PRDM6: variants seen among roughly 807,000 people sequenced by gnomAD.
The protein encoded by PRDM6 is putative histone-lysine N-methyltransferase PRDM6.
In PRDM6, 25 loss-of-function variants were observed where a neutral mutation model predicts 60.8. The ratio of observed to expected loss-of-function variants is 0.41; its 90% CI spans 0.30 to 0.57. PRDM6 has a LOEUF of 0.57. Among genes scored for constraint, PRDM6 ranks in the 20% least tolerant of loss-of-function variants. The pLI, the probability that PRDM6 is intolerant of heterozygous loss-of-function variation, is 0.27. For synonymous variants in PRDM6, 407 were observed against 357.4 expected, an observed-to-expected ratio of 1.14 and a Z score of -1.57; for missense variants, 839 against 821.3, an observed-to-expected ratio of 1.02 and a Z score of -0.26.
intron 3 of PRDM6, among the ~76,000 whole-genome samples, chr5:123,144,862 G>C (rs552059310): frequency 6.6e-6 from 1 of 152,048 alleles, no homozygotes; most frequent in Admixed American, 6.6e-5. Flanking sequence ...GACATGGCCC[G>C]GCCCTTAATG....
chr5:123,100,108 C>G (rs112825097), intron 3 of PRDM6, 147 bp downstream of exon 3: 25 of 891,840 alleles, frequency 2.8e-5, no homozygotes, highest in Non-Finnish European at 8.3e-6. Context: ...GAATAGATTT[C>G]TCTGGTCCTG....
chr5:123,109,863 G>A (rs1764268804), intron 3 of PRDM6, among the ~76,000 whole-genome samples: 1 of 152,218 alleles, frequency 6.6e-6, no homozygotes, highest in Non-Finnish European at 1.5e-5. Context: ...GCCCTAACAT[G>A]TGAAGCCTTT....
intron 3 of PRDM6, among the ~76,000 whole-genome samples, chr5:123,137,239 C>T (rs923949850): frequency 1.3e-5 from 2 of 152,148 alleles, no homozygotes; most frequent in Non-Finnish European, 2.9e-5. Flanking sequence ...GTTGAGAATT[C>T]CAAGACCTGA....
chr5:123,181,057 G>A (rs756739648), intron 7 of PRDM6, among the ~76,000 whole-genome samples: 4 of 152,184 alleles, frequency 2.6e-5, no homozygotes, highest in South Asian at 2.1e-4. Context: ...ATCTGAATCC[G>A]TGCAAGATGG....
At chr5:123,152,803 C>G (rs953570108) in intron 3 of PRDM6, among the ~76,000 whole-genome samples, 1 of 152,144 alleles carries the variant, frequency 6.6e-6, no homozygotes, top group Non-Finnish European at 1.5e-5. Context: ...AGTGGCACTT[C>G]CTAATATCCA....
chr5:123,142,323 A>C (rs949799525), intron 3 of PRDM6, among the ~76,000 whole-genome samples: 2 of 151,996 alleles, frequency 1.3e-5, no homozygotes, highest in Non-Finnish European at 1.5e-5. Context: ...GAGCACATGG[A>C]GATTCAAGTT....
chr5:123,140,202 G>A (rs1196998013), intron 3 of PRDM6, among the ~76,000 whole-genome samples: 4 of 151,512 alleles, frequency 2.6e-5, no homozygotes, highest in South Asian at 2.1e-4. Context: ...AATTATCTGC[G>A]CTTGGCCAAA....
intron 3 of PRDM6, among the ~76,000 whole-genome samples, chr5:123,108,100 G>A (rs1423550427): frequency 1.3e-5 from 2 of 152,002 alleles, no homozygotes; most frequent in Non-Finnish European, 1.5e-5. Flanking sequence ...CATTTATTTA[G>A]TAAACCAAAA....
At chr5:123,179,425 A>G (rs1222529410) in intron 6 of PRDM6, among the ~76,000 whole-genome samples, 1 of 152,230 alleles carries the variant, frequency 6.6e-6, no homozygotes, top group East Asian at 1.9e-4. Context: ...AGGAGGGAAT[A>G]GTAGGTAGAA....
intron 3 of PRDM6, among the ~76,000 whole-genome samples, chr5:123,104,965 C>T (rs1764172596): frequency 7.7e-6 from 1 of 129,136 alleles, no homozygotes; most frequent in African/African-American, 3.1e-5. Context: ...TTTTCTAAGT[C>T]CGAGAATAAT....
At chr5:123,157,639 C>A (rs1414709911) in intron 4 of PRDM6, among the ~76,000 whole-genome samples, 1 of 152,204 alleles carries the variant, frequency 6.6e-6, no homozygotes, top group African/African-American at 2.4e-5. Context: ...AACTGGCATT[C>A]ATCACCAGTG....
chr5:123,177,220 A>G (rs1479310482), intron 6 of PRDM6, among the ~76,000 whole-genome samples: 1 of 152,066 alleles, frequency 6.6e-6, no homozygotes, highest in Non-Finnish European at 1.5e-5. Flanking sequence ...CTTTTTGATC[A>G]TTTTCTTTTA....
rs1765487906 is a variant in PRDM6 at position 123,155,965 on chromosome 5, T to A, written c.982T>A (p.Cys328Ser). 1 of 1,551,520 alleles carries A rather than the reference T, an allele frequency of 6.4e-7. No individual in the cohort carries two copies. Among genetic ancestry groups the A allele is most frequent in the Admixed American group, 2.0e-5 (1 of 50,994 alleles). The part of the protein sequence containing the change: ...SKSSWMRYIR[C>S]ARHCGEQNLT... ...GTCGAGCTGGATGAGGTATATCCGA[T>A]GTGCAAGGCACTGCGGAGAACAGAA... Residue 328 changes from cysteine (C) to serine (S), a missense_variant, in exon 4 of 8, where the codon TGT (cysteine) becomes AGT (serine). By Grantham distance (112) the Cys-to-Ser change is moderately radical (BLOSUM62 -1). Around this residue, in one of 2 missense-constraint regions of PRDM6, gnomAD observed 730 missense variants for 648.8 expected, o/e 1.13. Transcript: ENST00000407847.
At chr5:123,093,900 G>A (rs1177100982) in intron 2 of PRDM6, among the ~76,000 whole-genome samples, 1 of 151,914 alleles carries the variant, frequency 6.6e-6, no homozygotes, top group East Asian at 1.9e-4. Flanking sequence ...CTGGGAGGGA[G>A]GCGGGAACTG....
chr5:123,193,651 CTT>C lies in PRDM6; in HGVS notation c.*6452_*6453del, dbSNP rs1334552217. 1.3e-5 allele frequency: 2 copies of C among 152,162 alleles called. No homozygotes were observed. The highest frequency in any genetic ancestry group is 4.8e-5 in the African/African-American group (2 of 41,440). The allele number at this position is 152,162 out of a possible 1,614,324, so 9.4% of individuals were successfully genotyped here. On this transcript the variant is annotated 3_prime_UTR_variant, in exon 8 of 8. Coordinates refer to ENST00000407847, the MANE Select transcript of PRDM6 (RefSeq NM_001136239.4). ...GTGATGACTAACGAATTAAGGAAAACTTTGGCTCAGATCAGCAAAATTATTTT... is the reference window on the plus strand; with the variant it reads ...GTGATGACTAACGAATTAAGGAAAACTGGCTCAGATCAGCAAAATTATTTT...
chr5:123,112,307 C>A (rs1374073913), intron 3 of PRDM6, among the ~76,000 whole-genome samples: 2 of 152,190 alleles, frequency 1.3e-5, no homozygotes, highest in African/African-American at 4.8e-5. Flanking sequence ...ACTGGCCTTT[C>A]CACTTCTCCT....
intron 2 of PRDM6, among the ~76,000 whole-genome samples, chr5:123,097,705 G>C (rs1293477226): frequency 6.6e-6 from 1 of 152,206 alleles, no homozygotes; most frequent in Non-Finnish European, 1.5e-5. Flanking sequence ...GGATAAGTGT[G>C]AGAATACTCC....
At position 123,090,276 on chromosome 5, in the gene PRDM6, A is replaced by ACCTCCGCCT. The variant is rs70988558; in HGVS notation, c.277_285dup (p.Ala93_Ser95dup). ...CTCGTCCACGCCGGCTTCCTCTTCC[A>ACCTCCGCCT]CCTCCGCCTCCTCCGCCTCCTCCTG... On this transcript the variant is annotated inframe_insertion, in exon 2 of 8. Transcript: ENST00000407847. 0.34 allele frequency: 500,422 copies of ACCTCCGCCT among 1,480,424 alleles called. 88,676 individuals are homozygous for ACCTCCGCCT. Among genetic ancestry groups the ACCTCCGCCT allele is most frequent in the Non-Finnish European group, 0.37 (409,871 of 1,115,906 alleles). 91.7% of individuals were successfully genotyped at this position (1,480,424 alleles called of 1,614,324 possible).
chr5:123,158,108 A>G (rs1025081259), intron 4 of PRDM6, among the ~76,000 whole-genome samples: 2 of 152,216 alleles, frequency 1.3e-5, no homozygotes, highest in African/African-American at 4.8e-5. Context: ...TCAGAAGACC[A>G]CCCATTGCTC....
Sources: gnomAD v4.1 joint callset for allele counts (sites outside exome capture counted in the v4.1 genomes callset) on GRCh38, gnomAD v4.1.1 for gene constraint, gnomAD v4.1.1 regional missense constraint, MANE v1.5 for transcripts, NCBI Gene and HGNC (gene_info 2026-07-23, HGNC 2026-07-21) for gene names.